Variants in TSC1 observed in about 807,000 individuals in gnomAD.
TSC1 encodes the protein TSC complex subunit 1, also known as hamartin.
TSC1 carries 20 observed loss-of-function variants against 124.3 expected under a neutral mutation model. The observed-to-expected ratio is 0.16, with a 90% CI of 0.11 to 0.23. TSC1 has a LOEUF of 0.23. TSC1 is among the 10% of genes least tolerant of loss of function. TSC1 has a pLI of 1.00. For synonymous variants in TSC1, 493 were observed against 539.1 expected, an observed-to-expected ratio of 0.91 and a Z score of 1.19; for missense variants, 1,124 against 1,448.5, an observed-to-expected ratio of 0.78 and a Z score of 3.64.
chr9:132,902,000 G>T (rs112448152), intron 18 of TSC1: 18 of 345,270 alleles, frequency 5.2e-5, no homozygotes, highest in African/African-American at 3.8e-4. Flanking sequence ...CTGAATTTTC[G>T]AGGGAGACGC....
upstream of TSC1, chr9:132,944,843 C>T: frequency 2.7e-6 from 1 of 374,214 alleles, no homozygotes; most frequent in Non-Finnish European, 4.7e-6. Context: ...CGGAAGGATC[C>T]GAAAGGAGGC....
chr9:132,927,787 A>G (rs1481097594), intron 3 of TSC1, among the ~76,000 whole-genome samples: 1 of 152,084 alleles, frequency 6.6e-6, no homozygotes, highest in Non-Finnish European at 1.5e-5. Context: ...GGCCTCCCCA[A>G]GTGCTGGGAT....
Position 132,912,292 on chromosome 9 carries a change from C to G in TSC1, c.903G>C (p.Gln301His), listed in dbSNP as rs762200890. 3.1e-6 allele frequency: 5 copies of G among 1,614,148 alleles called. No individual in the cohort carries two copies. In the South Asian group the frequency reaches 5.5e-5, roughly 18 times the overall value. The change falls in exon 9 of 23, where the codon CAG becomes CAC. Residue 301 changes from glutamine (Q) to histidine (H), a missense_variant. This residue lies in a region of TSC1 where 463 missense variants were observed against 606.8 expected (regional missense o/e 0.76). Transcript: ENST00000298552. The part of the protein sequence containing the change: ...DVTTSPYADT[Q>H]NSYGCATSTP... ...AAAGACACTTTTTACCATAGCTATTCTGTGTGTCAGCATAAGGGCTGGTGG... is the reference window on the plus strand; with the variant it reads ...AAAGACACTTTTTACCATAGCTATTGTGTGTGTCAGCATAAGGGCTGGTGG...
intron 1 of TSC1, among the ~76,000 whole-genome samples, chr9:132,944,201 T>C (rs1383110923): frequency 6.6e-6 from 1 of 151,952 alleles, no homozygotes; most frequent in Non-Finnish European, 1.5e-5. Context: ...CGTGAACCTG[T>C]CACCCCACCA....
intron 8 of TSC1, among the ~76,000 whole-genome samples, chr9:132,915,014 TACA>T (rs200477504): frequency 0.031 from 4,769 of 151,624 alleles, 121 homozygotes; most frequent in Non-Finnish European, 0.048. Context: ...ACCCCATCTC[TACA>T]ACAACAACAA....
intron 2 of TSC1, 119 bp downstream of exon 2, chr9:132,934,914 A>T (rs1202150610): frequency 5.0e-6 from 2 of 397,296 alleles, no homozygotes. Flanking sequence ...TTCATGCCAT[A>T]GATGGTCCAG....
chr9:132,917,890 T>C (rs1159768594), intron 8 of TSC1, among the ~76,000 whole-genome samples: 2 of 152,258 alleles, frequency 1.3e-5, no homozygotes, highest in Admixed American at 1.3e-4. Context: ...AAACATCTTA[T>C]CTCTGTGGCT....
rs138008061 is a variant in TSC1 at position 132,894,049 on chromosome 9, C to G, written c.*2186G>C. 1.7e-4 allele frequency: 39 copies of G among 233,606 alleles called. No individual in the cohort carries two copies. The highest frequency in any genetic ancestry group is 6.6e-4 in the African/African-American group (30 of 45,464). The allele number at this position is 233,606 out of a possible 1,614,324, so 14.5% of individuals were successfully genotyped here. A position where few individuals can be genotyped will look rare whatever the true frequency, so the allele number is the denominator to read the frequency against. ...ATAAAACCCACAGCCTCCTAGAACT[C>G]AAAGGCACCTGAGCTTGGAGCCACA... is the stretch of plus-strand genomic sequence containing the variant. On this transcript the variant is annotated 3_prime_UTR_variant, in exon 23 of 23. Coordinates refer to ENST00000298552, the MANE Select transcript of TSC1 (RefSeq NM_000368.5).
chr9:132,924,614 T>A (rs1339903212), intron 5 of TSC1, among the ~76,000 whole-genome samples: 1 of 152,216 alleles, frequency 6.6e-6, no homozygotes, highest in Non-Finnish European at 1.5e-5. Context: ...TCAATCCATT[T>A]AGATTATATT....
At chr9:132,897,048 G>T in intron 22 of TSC1, 136 bp downstream of exon 22, 1 of 1,401,344 alleles carries the variant, frequency 7.1e-7, no homozygotes, top group Non-Finnish European at 1.0e-6. Context: ...CGTCAGAGTG[G>T]GTCTCTGACA....
intron 8 of TSC1, chr9:132,912,759 C>A: frequency 2.6e-6 from 1 of 387,466 alleles, no homozygotes; most frequent in South Asian, 2.3e-5. Context: ...TGCAGCAGAG[C>A]AGCAGGCAGG....
In TSC1 at chr9:132,903,232, A is replaced by T. The variant is rs1458626993; in HGVS notation, c.2208+419T>A. Among the ~76,000 whole-genome samples the T allele has an allele frequency of 6.6e-6, 1 of 152,240 alleles. No homozygotes were observed. The highest frequency in any genetic ancestry group is 2.4e-5 in the African/African-American group (1 of 41,466). On this transcript the variant is annotated intron_variant, in intron 17 of 22. Coordinates refer to ENST00000298552, the MANE Select transcript of TSC1 (RefSeq NM_000368.5). The surrounding 1 kb of genome is among the most constrained non-coding windows in gnomAD (Gnocchi z 5.9). ...ATTTCCATTTTATAGCATGGCTAACAGAGGCTTCAAGAGGCCACGTTACTT... is the reference window on the plus strand; with the variant it reads ...ATTTCCATTTTATAGCATGGCTAACTGAGGCTTCAAGAGGCCACGTTACTT...
Position 132,910,579 on chromosome 9 carries a change from G to T in TSC1, c.1255C>A (p.Pro419Thr), listed in dbSNP as rs765145057. The T allele has an allele frequency of 6.2e-7, 1 of 1,613,946 alleles. No homozygotes were observed. The highest frequency in any genetic ancestry group is 1.3e-5 in the African/African-American group (1 of 74,912). The stretch of plus-strand genomic sequence containing the variant: ...GACGAGCTGGATCGCACCTTCCTGG[G>T]GGGTGTGACTGTGGCCTGGGGGAGT... The part of the protein sequence containing the change: ...ISLPQATVTP[P>T]RKEERMDSAR... Residue 419 changes from proline to threonine, a missense_variant, in exon 12 of 23, where the codon CCC becomes ACC. Physicochemically the swap from Pro to Thr is conservative, Grantham distance 38. Transcript: ENST00000298552.
Position 132,911,310 on chromosome 9 carries a change from T to C in TSC1, c.1029+143A>G, listed in dbSNP as rs959361084. On this transcript the variant is annotated intron_variant, in intron 10 of 22. Coordinates refer to ENST00000298552, the MANE Select transcript of TSC1 (RefSeq NM_000368.5). Reference sequence around the variant, plus strand: ...TGAATCTAAGAGGCAACAGTAACTTTCTTTGCTAATATCATGGATCCTTAA... The same window carrying C: ...TGAATCTAAGAGGCAACAGTAACTTCCTTTGCTAATATCATGGATCCTTAA... 16 of 836,028 alleles carry C rather than the reference T, an allele frequency of 1.9e-5. No homozygotes were observed. The Admixed American group carries it at 2.8e-4, about 14-fold the overall frequency. The allele number at this position is 836,028 out of a possible 1,614,324, so 51.8% of individuals were successfully genotyped here.
In TSC1 at chr9:132,923,208, A is replaced by G. The variant is rs573050337; in HGVS notation, c.508+140T>C. ...TGCCTGTAGTGGATGCACCCAAGAT[A>G]TTCCCTCATCTGTCTGGTGAAAACC... On this transcript the variant is annotated intron_variant, in intron 6 of 22. Transcript: ENST00000298552. This position sits in a 1 kb window ranked among gnomAD's most constrained non-coding sequence, Gnocchi z 4.2. 4.1e-6 allele frequency: 5 copies of G among 1,213,600 alleles called. No individual in the cohort carries two copies. The highest frequency in any genetic ancestry group is 5.7e-6 in the Non-Finnish European group (5 of 882,272). The allele number at this position is 1,213,600 out of a possible 1,614,324, so 75.2% of individuals were successfully genotyped here. A position where few individuals can be genotyped will look rare whatever the true frequency, so the allele number is the denominator to read the frequency against.
At position 132,921,806 on chromosome 9, in the gene TSC1, A is replaced by C. The variant is rs1846572826; in HGVS notation, c.663+13T>G. On this transcript the variant is annotated intron_variant, in intron 7 of 22. Transcript: ENST00000298552. The surrounding 1 kb of genome is among the most constrained non-coding windows in gnomAD (Gnocchi z 4.3). The stretch of plus-strand genomic sequence containing the variant: ...TATACTAAGTAGCAAACAAACAAGC[A>C]GTTTCAATTTACCTTGACCACTTCT... 6.2e-7 allele frequency: 1 copy of C among 1,614,116 alleles called. No individual in the cohort carries two copies. The highest frequency in any genetic ancestry group is 8.5e-7 in the Non-Finnish European group (1 of 1,179,976).
At chr9:132,932,581 C>T (rs554538983) in intron 2 of TSC1, among the ~76,000 whole-genome samples, 17 of 152,264 alleles carry the variant, frequency 1.1e-4, no homozygotes, top group Admixed American at 3.9e-4. Flanking sequence ...TTAATAAGAG[C>T]CAATAACATT....
rs2132146799 is a variant in TSC1 at position 132,921,778 on chromosome 9, C to A, written c.663+41G>T. On this transcript the variant is annotated intron_variant, in intron 7 of 22. Transcript: ENST00000298552. The surrounding 1 kb of genome is among the most constrained non-coding windows in gnomAD (Gnocchi z 4.3). ...AAGGTATAAATGCAGCCTATCTAAA[C>A]AGTATACTAAGTAGCAAACAAACAA... 6.2e-7 allele frequency: 1 copy of A among 1,611,950 alleles called. No homozygotes were observed. The highest frequency in any genetic ancestry group is 8.5e-7 in the Non-Finnish European group (1 of 1,178,366).
rs1554813482 is a variant in TSC1, at chr9:132,897,526, T to C, written c.2710A>G (p.Thr904Ala). 11 of 1,613,300 alleles carry C rather than the reference T, an allele frequency of 6.8e-6. No individual in the cohort carries two copies. The highest frequency in any genetic ancestry group is 1.6e-4 in the Middle Eastern group (1 of 6,062). ...HVLQQTQRLDTSQKRILELES... is the reference protein window; with the variant it reads ...HVLQQTQRLDASQKRILELES... The stretch of plus-strand genomic sequence containing the variant: ...AGTTCCAAAATCCGTTTTTGGGAGG[T>C]ATCAAGCCTCTGAGTCTGCTGGAGA... Residue 904 changes from threonine to alanine, a missense_variant, in exon 21 of 23, where the codon ACC becomes GCC. Around this residue, in one of 5 missense-constraint regions of TSC1, gnomAD observed 325 missense variants for 383.4 expected, o/e 0.85. Transcript: ENST00000298552.
Sources: gnomAD v4.1 joint callset for allele counts (sites outside exome capture counted in the v4.1 genomes callset) on GRCh38, gnomAD v4.1.1 for gene constraint, gnomAD v4.1.1 regional missense constraint, Gnocchi (gnomAD v3.1) non-coding constraint, MANE v1.5 for transcripts, NCBI Gene and HGNC (gene_info 2026-07-23, HGNC 2026-07-21) for gene names.